The following PRLR variants were observed in gnomAD, a reference collection of about 807,000 sequenced individuals.
PRLR encodes prolactin receptor.
PRLR carries 13 observed loss-of-function variants against 40.2 expected under a neutral mutation model. The observed-to-expected ratio is 0.32, with a 90% CI of 0.21 to 0.51. PRLR has a LOEUF of 0.51. Among genes scored for constraint, PRLR ranks in the 20% least tolerant of loss-of-function variants. PRLR has a pLI of 0.97. For missense variants in PRLR, 656 were observed against 747.3 expected, an observed-to-expected ratio of 0.88 and a Z score of 1.42; for synonymous variants, 269 against 278.7, an observed-to-expected ratio of 0.97 and a Z score of 0.35.
At chr5:35,210,921 A>T (rs1191143208) in intron 1 of PRLR, among the ~76,000 whole-genome samples, 1 of 152,248 alleles carries the variant, frequency 6.6e-6, no homozygotes, top group Admixed American at 6.5e-5. Context: ...TATGTTGCCC[A>T]GGCTGGTCTC....
chr5:35,168,199 AAT>A (rs751373845), intron 1 of PRLR, among the ~76,000 whole-genome samples: 8 of 152,076 alleles, frequency 5.3e-5, no homozygotes, highest in Non-Finnish European at 1.2e-4. Context: ...ATAGACCCAA[AAT>A]ATACAAAGCA....
At chr5:35,214,961 C>A (rs964707888) in intron 1 of PRLR, among the ~76,000 whole-genome samples, 1 of 152,182 alleles carries the variant, frequency 6.6e-6, no homozygotes. Context: ...CCTCCTAGAT[C>A]CCTGCTGATG....
intron 1 of PRLR, chr5:35,130,222 C>G (rs1008168158): frequency 6.6e-6 from 1 of 152,188 alleles, no homozygotes; most frequent in African/African-American, 2.4e-5. Flanking sequence ...AATTGACTAA[C>G]TTGCTTTTGA....
chr5:35,075,788 A>G (rs1388424506), intron 5 of PRLR, among the ~76,000 whole-genome samples: 1 of 152,176 alleles, frequency 6.6e-6, no homozygotes, highest in Non-Finnish European at 1.5e-5. Context: ...GACACTTCCC[A>G]GTAGGGGCCG....
downstream of PRLR, among the ~76,000 whole-genome samples, chr5:35,050,904 T>G (rs1005177550): frequency 6.6e-6 from 1 of 152,224 alleles, no homozygotes. Context: ...CATTTCACAG[T>G]TAATGGATTA....
At position 35,073,482 on chromosome 5, in the gene PRLR, C is replaced by T. The variant is rs112768301; in HGVS notation, c.374-738G>A. On this transcript the variant is annotated intron_variant, in intron 5 of 9. Coordinates refer to ENST00000618457, the MANE Select transcript of PRLR (RefSeq NM_000949.7). ...ACTGTATAAAATACTATCTCTGCAT[C>T]GTTTCTTATAATCCTCCAGCAACTC... is the stretch of plus-strand genomic sequence containing the variant. Among the ~76,000 whole-genome samples, 1,121 of 152,292 alleles carry T rather than the reference C, an allele frequency of 7.4e-3. 15 individuals are homozygous for T. The highest frequency in any genetic ancestry group is 0.026 in the African/African-American group (1,064 of 41,564).
intron 1 of PRLR, among the ~76,000 whole-genome samples, chr5:35,199,558 C>A (rs560636902): frequency 2.1e-5 from 3 of 143,894 alleles, no homozygotes; most frequent in African/African-American, 7.8e-5. Context: ...TTTAAAAACA[C>A]GTCATTCTTC....
rs374521271 is a variant in PRLR, at chr5:35,084,435, G to A, written c.373+35C>T. 577 of 1,521,648 alleles carry A rather than the reference G, an allele frequency of 3.8e-4. 1 individual carries two copies. The highest frequency in any genetic ancestry group is 4.8e-4 in the Non-Finnish European group (543 of 1,140,830). 94.3% of individuals were successfully genotyped at this position (1,521,648 alleles called of 1,614,324 possible). On this transcript the variant is annotated intron_variant, in intron 5 of 9. Coordinates refer to ENST00000618457, the MANE Select transcript of PRLR (RefSeq NM_000949.7). ...TGACTATTGGCTAATACATAGTGGA[G>A]TAAGAAATTCCTCACCCACTTTCCT...
At chr5:35,050,694 C>A (rs892752100) in intron 8 of PRLR, among the ~76,000 whole-genome samples, 1 of 152,204 alleles carries the variant, frequency 6.6e-6, no homozygotes, top group Non-Finnish European at 1.5e-5. Flanking sequence ...CTGAGTGTAA[C>A]TGAACTTTGC....
chr5:35,084,016 T>G (rs1193927373), intron 5 of PRLR, among the ~76,000 whole-genome samples: 1 of 152,102 alleles, frequency 6.6e-6, no homozygotes, highest in Admixed American at 6.5e-5. Context: ...CACACACATA[T>G]ATGAGTTTGG....
intron 1 of PRLR, among the ~76,000 whole-genome samples, chr5:35,191,048 C>CTTTTTTTTTTTTTTTTTTTTT: frequency 1.5e-5 from 1 of 68,166 alleles, no homozygotes; most frequent in Non-Finnish European, 2.8e-5. Context: ...GTGTTATTTT[C>CTTTTTTTTTTTTTTTTTTTTT]TTTTTTTTTT....
intron 2 of PRLR, among the ~76,000 whole-genome samples, chr5:35,107,095 T>C (rs754322637): frequency 1.2e-4 from 18 of 152,112 alleles, no homozygotes; most frequent in Admixed American, 6.5e-5. Context: ...CACAACTACA[T>C]GGAAACTGAA....
At chr5:35,181,422 T>G (rs1579772568) in intron 1 of PRLR, among the ~76,000 whole-genome samples, 1 of 152,222 alleles carries the variant, frequency 6.6e-6, no homozygotes, top group African/African-American at 2.4e-5. Context: ...AGAGGTGCTG[T>G]GTGCTTATAT....
chr5:35,208,169 ACGCG>A (rs5867273), intron 1 of PRLR, among the ~76,000 whole-genome samples: 4,267 of 143,548 alleles, frequency 0.03, 85 homozygotes, highest in Middle Eastern at 0.075. Context: ...TCACACACCC[ACGCG>A]CGCGCACACA....
intron 5 of PRLR, among the ~76,000 whole-genome samples, chr5:35,076,560 G>T (rs553289458): frequency 4.6e-5 from 7 of 152,200 alleles, no homozygotes; most frequent in East Asian, 3.9e-4. Context: ...AGACCAAATC[G>T]ACATCTGATT....
At chr5:35,199,820 G>A (rs1775832622) in intron 1 of PRLR, among the ~76,000 whole-genome samples, 2 of 152,052 alleles carry the variant, frequency 1.3e-5, no homozygotes, top group South Asian at 4.2e-4. Context: ...TGCACCCGAA[G>A]GTATTAAAAA....
chr5:35,174,058 C>CGAGA (rs1334087580), intron 1 of PRLR, among the ~76,000 whole-genome samples: 2 of 151,626 alleles, frequency 1.3e-5, no homozygotes. Context: ...GTTCAATTCC[C>CGAGA]ACCTATGAGT....
chr5:35,171,918 A>T (rs1054560012), intron 1 of PRLR, among the ~76,000 whole-genome samples: 4 of 152,152 alleles, frequency 2.6e-5, no homozygotes, highest in Non-Finnish European at 5.9e-5. Flanking sequence ...GATGCAAAAA[A>T]GTCTCACTTA....
chr5:35,118,336 AAT>A (rs1178574562), intron 1 of PRLR, among the ~76,000 whole-genome samples: 3 of 151,008 alleles, frequency 2.0e-5, no homozygotes, highest in African/African-American at 7.3e-5. Flanking sequence ...AAAAAAAAAA[AAT>A]CTCATATACC....
Sources: allele counts gnomAD v4.1 joint callset (sites outside exome capture counted in the v4.1 genomes callset), GRCh38; gene constraint gnomAD v4.1.1; transcripts MANE v1.5; gene names NCBI Gene and HGNC (gene_info 2026-07-23, HGNC 2026-07-21).